CHD9: variants seen among roughly 807,000 people sequenced by gnomAD.
The protein encoded by CHD9 is chromodomain helicase DNA binding protein 9, also known as ATP-dependent chromatin remodeler CHD9.
CHD9 carries 77 observed loss-of-function variants against 316.1 expected under a neutral mutation model. That is an observed-to-expected ratio of 0.24 (90% CI 0.20 to 0.29). The LOEUF (loss-of-function observed/expected upper bound fraction) is 0.29, where lower values mean the gene tolerates loss of function less well. Among genes scored for constraint, CHD9 ranks in the 10% least tolerant of loss-of-function variants. The probability of loss-of-function intolerance (pLI) is 1.00; values close to 1 mark genes in which losing one functional copy is unlikely to be tolerated. For synonymous variants in CHD9, 1,129 were observed against 1,158.3 expected (o/e 0.97, Z 0.51); for missense variants, 2,763 against 3,438.1 (o/e 0.80, Z 4.91).
chr16:53,108,036 T>A (rs1485449138), intron 1 of CHD9, among the ~76,000 whole-genome samples: 1 of 151,924 alleles, frequency 6.6e-6, no homozygotes, highest in East Asian at 1.9e-4. Flanking sequence ...CTTGAAGGAG[T>A]GGAGATTATA....
chr16:53,255,079 G>T (rs2050474290), intron 18 of CHD9, among the ~76,000 whole-genome samples: 1 of 152,122 alleles, frequency 6.6e-6, no homozygotes, highest in Non-Finnish European at 1.5e-5. Context: ...GGGACGCTGA[G>T]GTAGGAGGAT....
intron 1 of CHD9, among the ~76,000 whole-genome samples, chr16:53,096,891 T>C (rs1480696821): frequency 6.6e-6 from 1 of 152,018 alleles, no homozygotes; most frequent in Non-Finnish European, 1.5e-5. Context: ...ACATGTTAGC[T>C]CAGGTCTTTG....
Position 53,156,610 on chromosome 16 carries a change from G to A in CHD9, c.521G>A (p.Cys174Tyr), listed in dbSNP as rs2041539740. The A allele has an allele frequency of 2.5e-6, 4 of 1,613,950 alleles. No homozygotes were observed. Among genetic ancestry groups the A allele is most frequent in the Non-Finnish European group, 3.4e-6 (4 of 1,179,872 alleles). ...CAGGCCAATGAACAACAAACACAGT[G>A]TACTTCACTACGCTCACAACAAAAC... ...LFQANEQQTQ[C>Y]TSLRSQQNRN... is the part of the protein sequence containing the mutation. The change falls in exon 2 of 39, where the codon TGT becomes TAT. Residue 174 changes from cysteine to tyrosine, a missense_variant. Cys to Tyr is a radical substitution (Grantham distance 194, BLOSUM62 -2). Coordinates refer to ENST00000447540, the MANE Select transcript of CHD9 (RefSeq NM_001308319.2).
chr16:53,181,499 T>C (rs1022418168), intron 2 of CHD9, among the ~76,000 whole-genome samples: 1 of 152,128 alleles, frequency 6.6e-6, no homozygotes, highest in Admixed American at 6.5e-5. Context: ...GAAACTTACA[T>C]ATAGGAATGA....
Position 53,155,997 on chromosome 16 carries a change from G to A in CHD9, c.-93G>A, listed in dbSNP as rs2041495862. 1 of 1,198,162 alleles carries A rather than the reference G, an allele frequency of 8.3e-7. No homozygotes were observed. The allele number at this position is 1,198,162 out of a possible 1,614,324, so 74.2% of individuals were successfully genotyped here. On this transcript the variant is annotated 5_prime_UTR_variant, in exon 2 of 39. It removes an upstream start codon present in the reference 5' UTR. Transcript: ENST00000447540. The stretch of plus-strand genomic sequence containing the variant: ...ATTGACCTGTTTTGGATTAGTTGAT[G>A]ACCTTCGGAAATGATCCAATAATAT...
intron 1 of CHD9, among the ~76,000 whole-genome samples, chr16:53,076,809 T>G (rs1454714407): frequency 2.0e-5 from 3 of 151,610 alleles, no homozygotes; most frequent in Non-Finnish European, 2.9e-5. Context: ...ATTAATTAAT[T>G]TTTGTTTGCT....
intron 2 of CHD9, among the ~76,000 whole-genome samples, chr16:53,173,460 G>T (rs1313196849): frequency 6.6e-6 from 1 of 151,450 alleles, no homozygotes; most frequent in African/African-American, 2.4e-5. Context: ...AATTTCATTG[G>T]GTTTTCTCAT....
At position 53,272,156 on chromosome 16, in the gene CHD9, C is replaced by T. The variant is rs371508832; in HGVS notation, c.4718-1470C>T. 1.2e-4 allele frequency among the ~76,000 whole-genome samples: 18 copies of T among 151,830 alleles called. No homozygotes were observed. In the East Asian group the frequency reaches 1.9e-3, roughly 16 times the overall value. On this transcript the variant is annotated intron_variant, in intron 22 of 38. Coordinates refer to ENST00000447540, the MANE Select transcript of CHD9 (RefSeq NM_001308319.2). ...CTTAAAAGTTTATTTAGTAAAACTA[C>T]ACCATGCGACTACTAAACCGTACAA...
intron 37 of CHD9, 186 bp from the exon 38 acceptor site, chr16:53,321,337 ATAT>A: frequency 7.3e-7 from 1 of 1,373,508 alleles, no homozygotes; most frequent in Non-Finnish European, 9.4e-7. Context: ...ACATTATCAC[ATAT>A]TTATATATTA....
intron 1 of CHD9, among the ~76,000 whole-genome samples, chr16:53,133,726 G>C (rs913841292): frequency 6.6e-6 from 1 of 152,168 alleles, no homozygotes; most frequent in African/African-American, 2.4e-5. Context: ...AAAAGCCCGT[G>C]ACAAGATAAG....
intron 15 of CHD9, among the ~76,000 whole-genome samples, chr16:53,246,495 T>TC (rs1042768967): frequency 2.0e-5 from 3 of 147,044 alleles, no homozygotes; most frequent in Non-Finnish European, 4.6e-5. Context: ...TCTTTCTTTT[T>TC]CTGTGTTTTT....
At chr16:53,236,145 A>G (rs2048597595) in intron 11 of CHD9, among the ~76,000 whole-genome samples, 1 of 152,118 alleles carries the variant, frequency 6.6e-6, no homozygotes, top group Non-Finnish European at 1.5e-5. Context: ...AGAACCATCT[A>G]GGAAAAGTAG....
At chr16:53,261,462 C>G (rs2051121562) in intron 19 of CHD9, among the ~76,000 whole-genome samples, 1 of 148,938 alleles carries the variant, frequency 6.7e-6, no homozygotes, top group Non-Finnish European at 1.5e-5. Context: ...ACCTCTCAAC[C>G]TCCTGGGGTC....
At chr16:53,280,925 G>T (rs543542889) in intron 24 of CHD9, among the ~76,000 whole-genome samples, 1 of 152,184 alleles carries the variant, frequency 6.6e-6, no homozygotes, top group African/African-American at 2.4e-5. Flanking sequence ...TCCATAAGAT[G>T]CTGTCTTCTG....
intron 28 of CHD9, 27 bp downstream of exon 28, chr16:53,291,794 G>C (rs1490304398): frequency 7.3e-7 from 1 of 1,360,756 alleles, no homozygotes; most frequent in South Asian, 1.4e-5. Flanking sequence ...TCTGTACTTA[G>C]TATTATTGTA....
At chr16:53,314,708 T>C (rs927434427) in intron 35 of CHD9, 115 bp from the exon 36 acceptor site, 1 of 1,060,430 alleles carries the variant, frequency 9.4e-7, no homozygotes, top group Non-Finnish European at 1.3e-6. Context: ...TTAAAAGATT[T>C]AGCAGAATTT....
chr16:53,108,748 G>A (rs1048755328), intron 1 of CHD9, among the ~76,000 whole-genome samples: 8 of 151,650 alleles, frequency 5.3e-5, no homozygotes, highest in Admixed American at 4.6e-4. Flanking sequence ...GGTGGTGGGT[G>A]CCTGTAATCC....
rs560758895 is a variant in CHD9, at chr16:53,143,236, A to G, written c.-164-12690A>G. Among the ~76,000 whole-genome samples, 31 of 152,302 alleles carry G rather than the reference A, an allele frequency of 2.0e-4. No homozygotes were observed. In the South Asian group the frequency reaches 6.4e-3, roughly 32 times the overall value. ...GCAGTTGGATTATCAGAAACATGTC[A>G]AGGATACATAGAACAGAGTTACAGA... On this transcript the variant is annotated intron_variant, in intron 1 of 38. Transcript: ENST00000447540.
At chr16:53,186,806 C>T (rs1214716389) in intron 2 of CHD9, among the ~76,000 whole-genome samples, 1 of 152,172 alleles carries the variant, frequency 6.6e-6, no homozygotes, top group African/African-American at 2.4e-5. Context: ...GCTTGGCCCT[C>T]ACTTTCTCTT....
Sources: allele counts gnomAD v4.1 joint callset (sites outside exome capture counted in the v4.1 genomes callset), GRCh38; gene constraint gnomAD v4.1.1; transcripts MANE v1.5; gene names NCBI Gene and HGNC (gene_info 2026-07-23, HGNC 2026-07-21).